Variants in TSPEAR observed in about 807,000 individuals in gnomAD.
The protein encoded by TSPEAR is thrombospondin type laminin G domain and EAR repeats.
In TSPEAR, 69 loss-of-function variants were observed where a neutral mutation model predicts 71.6. That is an observed-to-expected ratio of 0.96 (90% CI 0.79 to 1.18). TSPEAR has a LOEUF of 1.18. Ranked by LOEUF, TSPEAR falls within the 50% of genes most tolerant of loss-of-function variation. The probability of loss-of-function intolerance (pLI) is 0.00; values close to 1 mark genes in which losing one functional copy is unlikely to be tolerated. For synonymous variants in TSPEAR, 402 were observed against 387.2 expected (o/e 1.04, Z -0.45); for missense variants, 971 against 894.9 (o/e 1.09, Z -1.09).
At chr21:44,558,537 G>T (rs372171182) in intron 2 of TSPEAR, 19 of 1,613,262 alleles carry the variant, frequency 1.2e-5, no homozygotes, top group Non-Finnish European at 1.4e-5. Flanking sequence ...CTCACAGGCC[G>T]CCTGGCAGCA....
At chr21:44,649,977 C>G (rs994537369) in intron 1 of TSPEAR, among the ~76,000 whole-genome samples, 1 of 152,170 alleles carries the variant, frequency 6.6e-6, no homozygotes, top group Non-Finnish European at 1.5e-5. Context: ...ATCTCAGCAC[C>G]GTGGGAGGCC....
At chr21:44,610,311 G>A (rs587651130) in intron 1 of TSPEAR, among the ~76,000 whole-genome samples, 6 of 152,316 alleles carry the variant, frequency 3.9e-5, no homozygotes, top group African/African-American at 1.2e-4. Flanking sequence ...GGAGGCCTGG[G>A]AGGAAAAAGT....
intron 1 of TSPEAR, among the ~76,000 whole-genome samples, chr21:44,628,732 C>T (rs1437410947): frequency 1.6e-4 from 24 of 146,262 alleles, no homozygotes; most frequent in African/African-American, 4.3e-4. Flanking sequence ...AGGTGGGAGA[C>T]GGGCGGTGGG....
chr21:44,612,631 G>T lies in TSPEAR; in HGVS notation c.83-44626C>A, dbSNP rs782313165. ...TCTGCTGCAAGCCCATCTGCTGTGTGCCTGTCTGCTCTGGGGCTTCCTCTC... is the reference window on the plus strand; with the variant it reads ...TCTGCTGCAAGCCCATCTGCTGTGTTCCTGTCTGCTCTGGGGCTTCCTCTC... On this transcript the variant is annotated intron_variant, in intron 1 of 11. Coordinates refer to ENST00000323084, the MANE Select transcript of TSPEAR (RefSeq NM_144991.3). The surrounding 1 kb of genome is among the most constrained non-coding windows in gnomAD (Gnocchi z 4.1). 2.5e-6 allele frequency: 4 copies of T among 1,613,810 alleles called. No individual in the cohort carries two copies. Among genetic ancestry groups the T allele is most frequent in the Non-Finnish European group, 3.4e-6 (4 of 1,179,960 alleles).
chr21:44,662,719 A>G (rs1442011859), intron 1 of TSPEAR, among the ~76,000 whole-genome samples: 1 of 152,230 alleles, frequency 6.6e-6, no homozygotes, highest in Non-Finnish European at 1.5e-5. Flanking sequence ...TGTGCCATAA[A>G]ATAAACTTCA....
intron 2 of TSPEAR, among the ~76,000 whole-genome samples, chr21:44,545,763 T>C (rs1008487381): frequency 4.6e-5 from 7 of 152,010 alleles, no homozygotes; most frequent in Non-Finnish European, 1.0e-4. Context: ...GAAAGCAGTA[T>C]GTAGAGGGAA....
intron 1 of TSPEAR, chr21:44,657,877 T>G: frequency 9.1e-7 from 1 of 1,102,504 alleles, no homozygotes. Context: ...AGTTGTGTTT[T>G]TGTGTTACCC....
chr21:44,528,002 A>G (rs941864222), intron 6 of TSPEAR, among the ~76,000 whole-genome samples: 1 of 152,098 alleles, frequency 6.6e-6, no homozygotes, highest in Non-Finnish European at 1.5e-5. Context: ...TCTAGCAGAC[A>G]GGGAGGGTGT....
intron 9 of TSPEAR, chr21:44,519,481 A>C (rs1366873214): frequency 1.3e-5 from 2 of 152,280 alleles, no homozygotes; most frequent in Non-Finnish European, 1.5e-5. Flanking sequence ...GTCAATGATT[A>C]CTGGTCAGAG....
At chr21:44,690,629 G>A (rs2210285) in intron 1 of TSPEAR, 680,579 of 982,560 alleles carry the variant, frequency 0.69, 236,206 homozygotes, top group Middle Eastern at 0.78. Context: ...AGGTTAAACA[G>A]AAGATAAGCA....
At chr21:44,602,574 G>GAA (rs1981025959) in intron 1 of TSPEAR, among the ~76,000 whole-genome samples, 1 of 152,214 alleles carries the variant, frequency 6.6e-6, no homozygotes, top group Admixed American at 6.5e-5. Context: ...GCTCCCCCCG[G>GAA]CCCCGCCTCA....
At chr21:44,516,454 C>G (rs1448733081) in intron 9 of TSPEAR, 2 of 152,466 alleles carry the variant, frequency 1.3e-5, no homozygotes, top group African/African-American at 4.8e-5. Flanking sequence ...CGCCTCTTCA[C>G]CCACGGTGTA....
intron 1 of TSPEAR, among the ~76,000 whole-genome samples, chr21:44,681,173 T>C (rs1406534446): frequency 6.6e-6 from 1 of 152,240 alleles, no homozygotes; most frequent in Admixed American, 6.5e-5. Flanking sequence ...GATGGGAGTG[T>C]GTGCTGCAGA....
At chr21:44,522,249 A>T (rs1308104702) in intron 8 of TSPEAR, 137 bp from the exon 9 acceptor site, 2 of 749,722 alleles carry the variant, frequency 2.7e-6, no homozygotes, top group Non-Finnish European at 4.6e-6. Context: ...CGCTGGGGAC[A>T]TCCTTTCTTA....
chr21:44,637,432 C>CA, intron 1 of TSPEAR: 1 of 1,608,138 alleles, frequency 6.2e-7, no homozygotes, highest in Non-Finnish European at 8.5e-7. Context: ...CCGCCTCCAC[C>CA]ATGTCCATCT....
rs145217374 is a variant in TSPEAR, at chr21:44,668,295, C to A, written c.82+43138G>T. On this transcript the variant is annotated intron_variant, in intron 1 of 11. Coordinates refer to ENST00000323084, the MANE Select transcript of TSPEAR (RefSeq NM_144991.3). ...CAAAAGGAAAGTACAATAACAATTC[C>A]ATTTACAATACATTAAAAAGAACAA... Among the ~76,000 whole-genome samples the A allele has an allele frequency of 5.2e-3, 791 of 152,212 alleles. 7 individuals carry two copies. The highest frequency in any genetic ancestry group is 0.019 in the South Asian group (91 of 4,822).
At chr21:44,544,197 C>A (rs1555917525) in intron 2 of TSPEAR, among the ~76,000 whole-genome samples, 1 of 152,056 alleles carries the variant, frequency 6.6e-6, no homozygotes, top group African/African-American at 2.4e-5. Context: ...CATATTTGTT[C>A]TTTAGTGAAG....
chr21:44,647,744 A>AC, intron 1 of TSPEAR: 7 of 271,088 alleles, frequency 2.6e-5, no homozygotes, highest in South Asian at 1.7e-4. Context: ...AAAGGCAGAC[A>AC]GGACAGTGTC....
chr21:44,540,154 G>C, intron 2 of TSPEAR: 1 of 1,611,794 alleles, frequency 6.2e-7, no homozygotes, highest in Non-Finnish European at 8.5e-7. Flanking sequence ...CGGCCATGCT[G>C]GGGTGGGGAG....
Sources: allele counts gnomAD v4.1 joint callset (sites outside exome capture counted in the v4.1 genomes callset), GRCh38; gene constraint gnomAD v4.1.1; non-coding constraint Gnocchi (gnomAD v3.1); transcripts MANE v1.5; gene names NCBI Gene and HGNC (gene_info 2026-07-23, HGNC 2026-07-21).